Variants in CDC42EP4 observed in about 807,000 individuals in gnomAD.
CDC42EP4 encodes CDC42 effector protein (Rho GTPase binding) 4.
CDC42EP4 carries 6 observed loss-of-function variants against 5.6 expected under a neutral mutation model. That is an observed-to-expected ratio of 1.07 (90% CI 0.59 to 2.12). The LOEUF is 2.12. Among genes scored for constraint, CDC42EP4 ranks in the 30% most tolerant of loss-of-function variants. The probability of loss-of-function intolerance (pLI) is 0.00; values close to 1 mark genes in which losing one functional copy is unlikely to be tolerated. For missense variants in CDC42EP4, 490 were observed against 508.6 expected, an observed-to-expected ratio of 0.96 and a Z score of 0.35; for synonymous variants, 230 against 224.2, an observed-to-expected ratio of 1.03 and a Z score of -0.23.
At chr17:73,303,043 C>CAAAAAAAA (rs554983651) in intron 1 of CDC42EP4, among the ~76,000 whole-genome samples, 8 of 116,838 alleles carry the variant, frequency 6.8e-5, no homozygotes, top group Admixed American at 1.9e-4. Flanking sequence ...GACTCCGTCT[C>CAAAAAAAA]AAAAAAAAAA....
At position 73,286,849 on chromosome 17, in the gene CDC42EP4, T is replaced by A; in HGVS notation, c.-112-237A>T. 2 of 230,288 alleles carry A rather than the reference T, an allele frequency of 8.7e-6. No individual in the cohort carries two copies. The highest frequency in any genetic ancestry group is 1.7e-5 in the Non-Finnish European group (2 of 117,040). 14.3% of individuals were successfully genotyped at this position (230,288 alleles called of 1,614,324 possible). On this transcript the variant is annotated intron_variant, in intron 1 of 1. Transcript: ENST00000335793. This position sits in a 1 kb window ranked among gnomAD's most constrained non-coding sequence, Gnocchi z 7.7. ...CCAGTAGCCTCGGACACACTTTCCC[T>A]GAAACTTGAGAGAGACAGAACCTTT...
At chr17:73,296,694 A>C (rs2062187478) in intron 1 of CDC42EP4, among the ~76,000 whole-genome samples, 1 of 151,676 alleles carries the variant, frequency 6.6e-6, no homozygotes, top group African/African-American at 2.4e-5. Context: ...CTTTTAAAAA[A>C]ATACACGGCT....
intron 1 of CDC42EP4, among the ~76,000 whole-genome samples, chr17:73,291,574 G>A (rs1266527615): frequency 6.6e-6 from 1 of 152,160 alleles, no homozygotes; most frequent in African/African-American, 2.4e-5. Flanking sequence ...GGAGGCCACA[G>A]GGCATTGTGG....
At position 73,286,649 on chromosome 17, in the gene CDC42EP4, G is replaced by A. The variant is rs2062136501; in HGVS notation, c.-112-37C>T. On this transcript the variant is annotated intron_variant, in intron 1 of 1. Coordinates refer to ENST00000335793, the MANE Select transcript of CDC42EP4 (RefSeq NM_012121.5). This position sits in a 1 kb window ranked among gnomAD's most constrained non-coding sequence, Gnocchi z 7.7. ...GAATGAGAGGCAAAGGATTAACGCG[G>A]GCTGGCCACACGGCACAAAAGCCTC... is the stretch of plus-strand genomic sequence containing the variant. 1 of 626,250 alleles carries A rather than the reference G, an allele frequency of 1.6e-6. No homozygotes were observed. The highest frequency in any genetic ancestry group is 1.8e-5 in the African/African-American group (1 of 54,368). 38.8% of individuals were successfully genotyped at this position (626,250 alleles called of 1,614,324 possible).
At chr17:73,293,404 G>A (rs1344078166) in intron 1 of CDC42EP4, among the ~76,000 whole-genome samples, 2 of 152,140 alleles carry the variant, frequency 1.3e-5, no homozygotes, top group Non-Finnish European at 2.9e-5. Context: ...AGAGACACCC[G>A]GGATTGTGGA....
At chr17:73,288,754 G>A (rs777124657) in intron 1 of CDC42EP4, among the ~76,000 whole-genome samples, 8 of 152,006 alleles carry the variant, frequency 5.3e-5, no homozygotes, top group African/African-American at 7.3e-5. Flanking sequence ...ACCCCCATCC[G>A]CTTCCCTGTT....
intron 1 of CDC42EP4, among the ~76,000 whole-genome samples, chr17:73,307,844 C>T (rs1407546362): frequency 1.4e-5 from 2 of 147,516 alleles, no homozygotes; most frequent in Admixed American, 7.0e-5. Context: ...TGGGTTCAAG[C>T]GATTCTTGTG....
chr17:73,283,700 T>C lies in CDC42EP4; in HGVS notation c.*1730A>G, dbSNP rs3841. 65,360 of 151,928 alleles carry C rather than the reference T, an allele frequency of 0.43. 14,115 individuals carry two copies. Among genetic ancestry groups the C allele is most frequent in the South Asian group, 0.53 (2,540 of 4,812 alleles). The allele number at this position is 151,928 out of a possible 1,614,324, so 9.4% of individuals were successfully genotyped here. On this transcript the variant is annotated 3_prime_UTR_variant, in exon 2 of 2. Coordinates refer to ENST00000335793, the MANE Select transcript of CDC42EP4 (RefSeq NM_012121.5). ...AAAAAAATCAGTTTAGAATCTGGAATTGGCCTGGACGGGATTCGAGGGCAG... is the reference window on the plus strand; with the variant it reads ...AAAAAAATCAGTTTAGAATCTGGAACTGGCCTGGACGGGATTCGAGGGCAG...
chr17:73,309,026 A>C (rs1306516662), intron 1 of CDC42EP4, among the ~76,000 whole-genome samples: 2 of 75,424 alleles, frequency 2.7e-5, no homozygotes, highest in Non-Finnish European at 2.7e-5. Context: ...CAACAGAGCA[A>C]AGCTCTGTCT....
chr17:73,304,290 T>TTTTC (rs2062234132), intron 1 of CDC42EP4, among the ~76,000 whole-genome samples: 1 of 151,748 alleles, frequency 6.6e-6, no homozygotes, highest in Non-Finnish European at 1.5e-5. Flanking sequence ...TTTTTTTTTT[T>TTTTC]TCCTGAGAGA....
At position 73,293,787 on chromosome 17, in the gene CDC42EP4, G is replaced by C. The variant is rs550762908; in HGVS notation, c.-112-7175C>G. On this transcript the variant is annotated intron_variant, in intron 1 of 1. Transcript: ENST00000335793. ...ATAGGAAAGCACAGGGAAGGCGGAA[G>C]ACTGTGTTTCATTCAAACTGTGGCA... Among the ~76,000 whole-genome samples the C allele has an allele frequency of 4.6e-5, 7 of 152,352 alleles. No individual in the cohort carries two copies. The South Asian group carries it at 1.2e-3, about 27-fold the overall frequency.
chr17:73,300,804 T>C (rs1430813787), intron 1 of CDC42EP4, among the ~76,000 whole-genome samples: 2 of 152,150 alleles, frequency 1.3e-5, no homozygotes, highest in African/African-American at 2.4e-5. Flanking sequence ...CCCAGCACTC[T>C]GGGAGGCTGA....
chr17:73,295,305 G>A (rs910377763), intron 1 of CDC42EP4, among the ~76,000 whole-genome samples: 3 of 152,096 alleles, frequency 2.0e-5, no homozygotes, highest in Admixed American at 1.3e-4. Context: ...GGCGGTGCTG[G>A]AGCCCAAGTC....
At chr17:73,292,346 G>A (rs755340136) in intron 1 of CDC42EP4, among the ~76,000 whole-genome samples, 1 of 152,198 alleles carries the variant, frequency 6.6e-6, no homozygotes, top group Admixed American at 6.5e-5. Context: ...GACCTGGATC[G>A]GCTACAAGAG....
At chr17:73,304,336 T>C (rs1264106277) in intron 1 of CDC42EP4, among the ~76,000 whole-genome samples, 1 of 150,880 alleles carries the variant, frequency 6.6e-6, no homozygotes, top group East Asian at 2.0e-4. Flanking sequence ...GAGTACACTG[T>C]AGCAGTGCAA....
At chr17:73,305,424 G>C (rs952729220) in intron 1 of CDC42EP4, among the ~76,000 whole-genome samples, 1 of 152,200 alleles carries the variant, frequency 6.6e-6, no homozygotes, top group Admixed American at 6.5e-5. Context: ...AGATCTGCCA[G>C]GCCTTGTTTG....
Position 73,285,986 on chromosome 17 carries a change from G to C in CDC42EP4, c.515C>G (p.Pro172Arg). 1.9e-6 allele frequency: 3 copies of C among 1,613,446 alleles called. No homozygotes were observed. Among genetic ancestry groups the C allele is most frequent in the Non-Finnish European group, 2.5e-6 (3 of 1,179,804 alleles). ...AVPRRNGAAG[P>R]HSPDPLLDEQ... ...ATCGAGGAGGGGGTCAGGGGAATGT[G>C]GACCCGCGGCCCCATTCCGACGGGG... Residue 172 changes from proline (P) to arginine (R), a missense_variant, in exon 2 of 2, where the codon CCA becomes CGA. Coordinates refer to ENST00000335793, the MANE Select transcript of CDC42EP4 (RefSeq NM_012121.5). The surrounding 1 kb of genome is among the most constrained non-coding windows in gnomAD (Gnocchi z 6.8).
intron 1 of CDC42EP4, among the ~76,000 whole-genome samples, chr17:73,291,759 C>G (rs1175735892): frequency 6.6e-6 from 1 of 152,156 alleles, no homozygotes; most frequent in Non-Finnish European, 1.5e-5. Flanking sequence ...GATCACAGCT[C>G]ACAGCCCTCC....
intron 1 of CDC42EP4, among the ~76,000 whole-genome samples, chr17:73,289,843 A>G (rs1343799194): frequency 1.3e-5 from 2 of 151,944 alleles, no homozygotes; most frequent in Non-Finnish European, 2.9e-5. Context: ...GAAGGAAAGG[A>G]AAGGAAGAGA....
Sources: allele counts gnomAD v4.1 joint callset (sites outside exome capture counted in the v4.1 genomes callset), GRCh38; gene constraint gnomAD v4.1.1; non-coding constraint Gnocchi (gnomAD v3.1); transcripts MANE v1.5; gene names NCBI Gene and HGNC (gene_info 2026-07-23, HGNC 2026-07-21).